CDKL3: variants seen among roughly 807,000 people sequenced by gnomAD.
CDKL3 encodes cyclin dependent kinase like 3.
A neutral mutation model predicts 69.3 loss-of-function variants in CDKL3; 65 were observed. The ratio of observed to expected loss-of-function variants is 0.94; its 90% CI spans 0.77 to 1.15. The LOEUF (loss-of-function observed/expected upper bound fraction) is 1.15, where lower values mean the gene tolerates loss of function less well. Among genes scored for constraint, CDKL3 ranks in the 50% most tolerant of loss-of-function variants. The pLI is 0.00. For synonymous variants in CDKL3, 202 were observed against 221.6 expected (o/e 0.91, Z 0.79); for missense variants, 652 against 689.2 (o/e 0.95, Z 0.61).
chr5:134,364,912 T>C (rs1027106947), intron 2 of CDKL3, among the ~76,000 whole-genome samples: 2 of 151,996 alleles, frequency 1.3e-5, no homozygotes, highest in East Asian at 1.9e-4. Flanking sequence ...GTTTGAGCGA[T>C]TGTCGTGCCT....
intron 8 of CDKL3, among the ~76,000 whole-genome samples, chr5:134,293,063 C>T (rs932155684): frequency 8.8e-6 from 1 of 113,458 alleles, no homozygotes; most frequent in Non-Finnish European, 1.7e-5. Flanking sequence ...TCTTTTTGCC[C>T]AGGCTGGAGT....
intron 12 of CDKL3, among the ~76,000 whole-genome samples, chr5:134,301,539 TTAC>T (rs1766332138): frequency 6.6e-6 from 1 of 152,028 alleles, no homozygotes; most frequent in South Asian, 2.1e-4. Context: ...TAATAAGTAT[TTAC>T]TAATTTTATC....
chr5:134,308,126 GT>G lies in CDKL3; in HGVS notation c.1364+11del. On this transcript the variant is annotated intron_variant, in intron 9 of 12. Coordinates refer to ENST00000265334, the MANE Select transcript of CDKL3 (RefSeq NM_001113575.2). Reference sequence around the variant, plus strand: ...GTTGTATTATTTAGGTTTCTTCTCTGTTACAGCTCACCTCACACTGGGGTGA... The same window carrying G: ...GTTGTATTATTTAGGTTTCTTCTCTGTACAGCTCACCTCACACTGGGGTGA... 1 of 1,602,886 alleles carries G rather than the reference GT, an allele frequency of 6.2e-7. No homozygotes were observed. Among genetic ancestry groups the G allele is most frequent in the Non-Finnish European group, 8.5e-7 (1 of 1,173,362 alleles).
chr5:134,337,135 T>C (rs1184210882), intron 4 of CDKL3, among the ~76,000 whole-genome samples: 1 of 152,198 alleles, frequency 6.6e-6, no homozygotes, highest in African/African-American at 2.4e-5. Flanking sequence ...CAAGGCTCCA[T>C]GGGCATGGGA....
chr5:134,288,263 T>A (rs1367309150), intron 8 of CDKL3, among the ~76,000 whole-genome samples: 2 of 152,198 alleles, frequency 1.3e-5, no homozygotes, highest in South Asian at 2.1e-4. Flanking sequence ...CCCCAAATGA[T>A]AAAAGTTGGA....
intron 4 of CDKL3, among the ~76,000 whole-genome samples, chr5:134,337,442 G>T (rs1341607826): frequency 2.0e-5 from 3 of 152,316 alleles, no homozygotes; most frequent in East Asian, 3.9e-4. Context: ...CATTAGTCTT[G>T]CTGGGAGCTG....
At chr5:134,329,457 T>C (rs1381227164) in intron 4 of CDKL3, among the ~76,000 whole-genome samples, 1 of 151,952 alleles carries the variant, frequency 6.6e-6, no homozygotes, top group African/African-American at 2.4e-5. Context: ...TTTAATTTAA[T>C]TTAATTTTTT....
chr5:134,326,835 A>G (rs199547977), intron 4 of CDKL3, among the ~76,000 whole-genome samples: 47,145 of 75,584 alleles, frequency 0.62, 11,254 homozygotes, highest in Middle Eastern at 0.7. Flanking sequence ...ATATATATAT[A>G]TATATATATA....
intron 2 of CDKL3, among the ~76,000 whole-genome samples, chr5:134,365,415 C>G (rs1039223679): frequency 6.6e-6 from 1 of 152,046 alleles, no homozygotes; most frequent in Non-Finnish European, 1.5e-5. Context: ...CCACCGCACC[C>G]GGCCTCATGT....
At chr5:134,313,907 G>A (rs918651497) in intron 6 of CDKL3, among the ~76,000 whole-genome samples, 3 of 151,988 alleles carry the variant, frequency 2.0e-5, no homozygotes, top group Non-Finnish European at 4.4e-5. Flanking sequence ...GGGGGCAACA[G>A]AGGGTGGATC....
chr5:134,339,824 T>C (rs755720078), intron 4 of CDKL3, among the ~76,000 whole-genome samples: 1 of 152,072 alleles, frequency 6.6e-6, no homozygotes, highest in Non-Finnish European at 1.5e-5. Context: ...AAATAACCAA[T>C]GGGTACAAGG....
At chr5:134,332,810 GT>G (rs1252403777) in intron 4 of CDKL3, among the ~76,000 whole-genome samples, 1 of 152,210 alleles carries the variant, frequency 6.6e-6, no homozygotes, top group East Asian at 1.9e-4. Flanking sequence ...CTTTAAAGTA[GT>G]TTTTTCCAAT....
At position 134,308,755 on chromosome 5, in the gene CDKL3, A is replaced by C. The variant is rs761073470; in HGVS notation, c.882-28T>G. ...GACAAAACAAGCAATATCAACGAGT[A>C]ATCTTTTTATATATGCAGATGGAGT... On this transcript the variant is annotated intron_variant, in intron 7 of 12. Transcript: ENST00000265334. The C allele has an allele frequency of 8.4e-6, 13 of 1,549,618 alleles. 1 individual carries two copies. In the South Asian group the frequency reaches 1.6e-4, roughly 19 times the overall value.
chr5:134,354,074 A>G (rs1753965754), intron 3 of CDKL3, among the ~76,000 whole-genome samples: 1 of 152,104 alleles, frequency 6.6e-6, no homozygotes, highest in Non-Finnish European at 1.5e-5. Flanking sequence ...CAAGCCAGCT[A>G]TTTCCTCAGG....
At chr5:134,283,599 G>C (rs904821882), downstream of CDKL3, among the ~76,000 whole-genome samples, 1 of 152,186 alleles carries the variant, frequency 6.6e-6, no homozygotes, top group African/African-American at 2.4e-5. Context: ...CAACACATGG[G>C]AATTCAAGAT....
chr5:134,327,844 A>C (rs1774790581), intron 4 of CDKL3, among the ~76,000 whole-genome samples: 1 of 152,204 alleles, frequency 6.6e-6, no homozygotes, highest in Admixed American at 6.5e-5. Flanking sequence ...AAAGAAAGGA[A>C]GATAAACCTA....
rs568310103 is a variant in CDKL3, at chr5:134,311,338, C to G, written c.881+954G>C. Among the ~76,000 whole-genome samples, 4 of 152,310 alleles carry G rather than the reference C, an allele frequency of 2.6e-5. No homozygotes were observed. The East Asian group carries it at 7.7e-4, about 29-fold the overall frequency. The stretch of plus-strand genomic sequence containing the variant: ...GGCCAAAATGGCAAAATCCCCATCT[C>G]TACTAAAAATACAAAAATTAGCCAG... On this transcript the variant is annotated intron_variant, in intron 7 of 12. Coordinates refer to ENST00000265334, the MANE Select transcript of CDKL3 (RefSeq NM_001113575.2).
intron 4 of CDKL3, among the ~76,000 whole-genome samples, chr5:134,343,211 A>C (rs1334791080): frequency 6.6e-6 from 1 of 152,148 alleles, no homozygotes; most frequent in Non-Finnish European, 1.5e-5. Flanking sequence ...TCAAAAAAAA[A>C]AAAAAGGAAA....
At chr5:134,371,583 G>T (rs1235755306), upstream of CDKL3, 1 of 1,612,400 alleles carries the variant, frequency 6.2e-7, no homozygotes, top group Non-Finnish European at 8.5e-7. Context: ...TGACCGCGGG[G>T]CAGCTGCGGA....
Sources: gnomAD v4.1 joint callset for allele counts (sites outside exome capture counted in the v4.1 genomes callset) on GRCh38, gnomAD v4.1.1 for gene constraint, MANE v1.5 for transcripts, NCBI Gene and HGNC (gene_info 2026-07-23, HGNC 2026-07-21) for gene names.